Variants in DYRK4 observed in about 807,000 individuals in gnomAD.
DYRK4 encodes dual specificity tyrosine phosphorylation regulated kinase 4.
DYRK4 carries 64 observed loss-of-function variants against 68.3 expected under a neutral mutation model. That is an observed-to-expected ratio of 0.94 (90% CI 0.77 to 1.15). The LOEUF is 1.15. DYRK4 is among the 50% of genes most tolerant of loss of function. DYRK4 has a pLI of 0.00. For missense variants in DYRK4, 740 were observed against 764.7 expected, an observed-to-expected ratio of 0.97 and a Z score of 0.38; for synonymous variants, 274 against 289.9, an observed-to-expected ratio of 0.95 and a Z score of 0.56.
At chr12:4,585,844 A>C (rs1159134818) in intron 2 of DYRK4, among the ~76,000 whole-genome samples, 1 of 152,246 alleles carries the variant, frequency 6.6e-6, no homozygotes, top group Non-Finnish European at 1.5e-5. Flanking sequence ...AGTTTGGAAG[A>C]TAAAGAAACT....
intron 2 of DYRK4, among the ~76,000 whole-genome samples, chr12:4,583,985 C>T (rs1206867858): frequency 6.6e-6 from 1 of 152,178 alleles, no homozygotes; most frequent in East Asian, 1.9e-4. Context: ...CTTGAAGTTC[C>T]AGGGCTGGCA....
intron 2 of DYRK4, among the ~76,000 whole-genome samples, chr12:4,581,509 G>A (rs533120537): frequency 6.6e-5 from 10 of 152,318 alleles, no homozygotes; most frequent in African/African-American, 2.4e-4. Context: ...TCTCTTGTGT[G>A]AATTCGCTGA....
At chr12:4,590,263 G>C in intron 3 of DYRK4, 67 bp from the exon 4 acceptor site, 1 of 1,472,790 alleles carries the variant, frequency 6.8e-7, no homozygotes, top group Non-Finnish European at 9.0e-7. Context: ...GAGGCTGGAA[G>C]AAATGACCCC....
intron 13 of DYRK4, among the ~76,000 whole-genome samples, chr12:4,611,043 C>T (rs920870420): frequency 1.3e-5 from 2 of 152,148 alleles, no homozygotes; most frequent in Admixed American, 1.3e-4. Context: ...CTATAAAATA[C>T]GGTATTCCTA....
chr12:4,562,430 G>A, intron 1 of DYRK4, 147 bp downstream of exon 1: 1 of 1,083,804 alleles, frequency 9.2e-7, no homozygotes, highest in South Asian at 1.7e-5. Flanking sequence ...TCAGAGAGAG[G>A]CGGGCTGTGG....
chr12:4,577,908 A>C (rs1330913529), intron 2 of DYRK4, among the ~76,000 whole-genome samples: 1 of 152,196 alleles, frequency 6.6e-6, no homozygotes, highest in Non-Finnish European at 1.5e-5. Flanking sequence ...ATGGTATTGC[A>C]CTTTTAATTT....
At chr12:4,599,864 C>T in intron 10 of DYRK4, 76 bp downstream of exon 10, 1 of 1,281,128 alleles carries the variant, frequency 7.8e-7, no homozygotes, top group East Asian at 2.3e-5. Flanking sequence ...GGTCACCTGC[C>T]TTCTAGGCTG....
At chr12:4,576,785 A>G (rs56994491) in intron 2 of DYRK4, among the ~76,000 whole-genome samples, 5,090 of 152,298 alleles carry the variant, frequency 0.033, 315 homozygotes, top group African/African-American at 0.12. Context: ...TTTCATATGC[A>G]TATTTGACAT....
chr12:4,603,028 A>C lies in DYRK4; in HGVS notation c.1127-1886A>C, dbSNP rs915412372. The C allele has an allele frequency of 4.1e-6, 4 of 980,838 alleles. No individual in the cohort carries two copies. In the African/African-American group the frequency reaches 6.4e-5, roughly 16 times the overall value. The allele number at this position is 980,838 out of a possible 1,614,324, so 60.8% of individuals were successfully genotyped here. A position where few individuals can be genotyped will look rare whatever the true frequency, so the allele number is the denominator to read the frequency against. ...TCTATAGAAGCTTGTTAGCTTGTAC[A>C]ATTTTCTCCATAATGTATCACCTTA... On this transcript the variant is annotated intron_variant, in intron 10 of 14. Transcript: ENST00000543431.
At chr12:4,592,563 C>A (rs1261622825) in intron 5 of DYRK4, 1 of 153,246 alleles carries the variant, frequency 6.5e-6, no homozygotes, top group African/African-American at 2.4e-5. Context: ...GCCTCCTGGG[C>A]CTTTAATGTT....
intron 6 of DYRK4, 21 bp from the exon 7 acceptor site, chr12:4,596,128 C>T (rs1437718187): frequency 6.2e-7 from 1 of 1,612,848 alleles, no homozygotes; most frequent in East Asian, 2.2e-5. Context: ...TTGCTCTTCA[C>T]CTCCGGCCTG....
At chr12:4,563,615 C>G (rs1944650239) in intron 1 of DYRK4, among the ~76,000 whole-genome samples, 1 of 152,178 alleles carries the variant, frequency 6.6e-6, no homozygotes, top group African/African-American at 2.4e-5. Context: ...ACTTTGAGAT[C>G]ACAAAGAACT....
intron 2 of DYRK4, among the ~76,000 whole-genome samples, chr12:4,568,865 T>A (rs777537402): frequency 1.3e-5 from 2 of 152,196 alleles, no homozygotes; most frequent in African/African-American, 2.4e-5. Flanking sequence ...CAGTTTGAAT[T>A]TCTTAGTTTG....
chr12:4,595,926 G>T (rs1335124510), intron 6 of DYRK4, among the ~76,000 whole-genome samples: 5 of 152,242 alleles, frequency 3.3e-5, no homozygotes, highest in Non-Finnish European at 7.3e-5. Context: ...GATCAAGCCT[G>T]TGGGACTTTC....
chr12:4,583,115 A>G lies in DYRK4; in HGVS notation c.133-5822A>G, dbSNP rs190219249. Among the ~76,000 whole-genome samples the G allele has an allele frequency of 1.6e-3, 237 of 152,200 alleles. 1 individual carries two copies. Among genetic ancestry groups the G allele is most frequent in the African/African-American group, 5.4e-3 (224 of 41,522 alleles). ...TATGCCACTCACAGTAAGAAATCGT[A>G]ACAATTTGAAGTTTGAAAAAGAGAC... On this transcript the variant is annotated intron_variant, in intron 2 of 14. Transcript: ENST00000543431.
At chr12:4,610,592 CA>C (rs1432617652) in intron 13 of DYRK4, 1 of 188,654 alleles carries the variant, frequency 5.3e-6, no homozygotes, top group African/African-American at 2.3e-5. Context: ...TTCCTGGCCT[CA>C]AACTGCCTGG....
At chr12:4,599,634 A>C in intron 9 of DYRK4, 73 bp from the exon 10 acceptor site, 1 of 1,114,962 alleles carries the variant, frequency 9.0e-7, no homozygotes, top group South Asian at 1.4e-5. Context: ...CTGAAGGATG[A>C]GGAGCATTTA....
chr12:4,604,810 A>G, intron 10 of DYRK4, 104 bp from the exon 11 acceptor site: 1 of 1,390,254 alleles, frequency 7.2e-7, no homozygotes, highest in Non-Finnish European at 9.5e-7. Context: ...CTTCCCTTTC[A>G]CTGCCAGCGG....
At position 4,612,697 on chromosome 12, in the gene DYRK4, T is replaced by C. The variant is rs776812376; in HGVS notation, c.1645T>C (p.Cys549Arg). 1 of 1,614,194 alleles carries C rather than the reference T, an allele frequency of 6.2e-7. No homozygotes were observed. Among genetic ancestry groups the C allele is most frequent in the South Asian group, 1.1e-5 (1 of 91,084 alleles). Reference protein sequence around the residue: ...SETRKDKVQGCHHSSRKDEIT... With the variant: ...SETRKDKVQGRHHSSRKDEIT... Reference sequence around the variant, plus strand: ...GACAAGGAAGGACAAGGTTCAAGGCTGTCATCACTCGAGCAGAAAAGGTAC... The same window carrying C: ...GACAAGGAAGGACAAGGTTCAAGGCCGTCATCACTCGAGCAGAAAAGGTAC... The change falls in exon 14 of 15, where the codon TGT becomes CGT. Residue 549 changes from cysteine to arginine, a missense_variant. Around this residue, in one of 3 missense-constraint regions of DYRK4, gnomAD observed 614 missense variants for 603.7 expected, o/e 1.02. Transcript: ENST00000543431.
Sources: allele counts gnomAD v4.1 joint callset (sites outside exome capture counted in the v4.1 genomes callset), GRCh38; gene constraint gnomAD v4.1.1; regional missense constraint gnomAD v4.1.1; transcripts MANE v1.5; gene names NCBI Gene and HGNC (gene_info 2026-07-23, HGNC 2026-07-21).